The following ATAD3B variants were observed in gnomAD, a reference collection of about 807,000 sequenced individuals.
The protein encoded by ATAD3B is ATPase family AAA domain-containing protein 3B.
ATAD3B carries 59 observed loss-of-function variants against 70.2 expected under a neutral mutation model. The ratio of observed to expected loss-of-function variants is 0.84; its 90% CI spans 0.68 to 1.04. The LOEUF (loss-of-function observed/expected upper bound fraction) is 1.04, where lower values mean the gene tolerates loss of function less well. Ranked by LOEUF, ATAD3B falls within the 50% of genes least tolerant of loss-of-function variation. The pLI is 0.00. For missense variants in ATAD3B, 961 were observed against 913.4 expected, an observed-to-expected ratio of 1.05 and a Z score of -0.67; for synonymous variants, 423 against 388.6, an observed-to-expected ratio of 1.09 and a Z score of -1.04.
chr1:1,475,155 G>A (rs532203490), intron 1 of ATAD3B, among the ~76,000 whole-genome samples: 55 of 149,694 alleles, frequency 3.7e-4, no homozygotes, highest in Admixed American at 2.3e-3. Flanking sequence ...GGCGTTGCCA[G>A]TGCCTTGGTC....
chr1:1,485,758 G>A, intron 8 of ATAD3B, 24 bp from the exon 9 acceptor site: 6 of 1,612,272 alleles, frequency 3.7e-6, no homozygotes, highest in Non-Finnish European at 5.1e-6. Flanking sequence ...TGACCCAATG[G>A]TGCTTCCCCT....
intron 8 of ATAD3B, among the ~76,000 whole-genome samples, chr1:1,485,373 C>T (rs139537750): frequency 0.022 from 3,309 of 152,090 alleles, 65 homozygotes; most frequent in East Asian, 0.037. Context: ...CTGTCTGCCT[C>T]GGTGTCCCTT....
At chr1:1,498,093 A>G (rs2100611936), downstream of ATAD3B, among the ~76,000 whole-genome samples, 1 of 151,918 alleles carries the variant, frequency 6.6e-6, no homozygotes, top group Non-Finnish European at 1.5e-5. Context: ...ACCTGAGGTC[A>G]GGAGTTCGAG....
the ATAD3B span, among the ~76,000 whole-genome samples, chr1:1,505,391 G>T: frequency 6.6e-6 from 1 of 152,314 alleles, no homozygotes. Flanking sequence ...CGTGAAGGCG[G>T]ACTAGGAGTG....
intron 11 of ATAD3B, 40 bp downstream of exon 11, chr1:1,486,708 G>T (rs371563971): frequency 6.5e-7 from 1 of 1,533,630 alleles, no homozygotes; most frequent in Non-Finnish European, 8.8e-7. Flanking sequence ...CCTTGGCTGC[G>T]GCCCAGCAGG....
At chr1:1,508,650 C>G in the ATAD3B span, among the ~76,000 whole-genome samples, 2 of 151,374 alleles carry the variant, frequency 1.3e-5, no homozygotes, top group Non-Finnish European at 2.9e-5. Context: ...CTGAGGCTGC[C>G]TGAAGCGACA....
Position 1,482,268 on chromosome 1 carries a change from G to A in ATAD3B, c.645G>A (p.Ala215=), listed in dbSNP as rs770283309. The A allele has an allele frequency of 9.9e-6, 16 of 1,610,952 alleles. 1 individual carries two copies. The highest frequency in any genetic ancestry group is 6.7e-5 in the Admixed American group (4 of 59,910). The change falls in exon 6 of 16, where the codon GCG becomes GCA. Residue 215 remains alanine (A), a synonymous_variant. Coordinates refer to ENST00000673477, the MANE Select transcript of ATAD3B (RefSeq NM_031921.6). The part of the protein sequence containing the change: ...DIIREQIRLK[A]SEHRQTVLES... ...TCCGCGAGCAGATCCGCCTGAAGGC[G>A]TCCGAGCACCGTCAGACCGTCTTGG...
chr1:1,482,291 T>C lies in ATAD3B; in HGVS notation c.668T>C (p.Leu223Ser). ...GCGTCCGAGCACCGTCAGACCGTCT[T>C]GGAGTCCATCAGGTGAGCACTGCCC... is the stretch of plus-strand genomic sequence containing the variant. ...LKASEHRQTV[L>S]ESIRTAGTLF... Residue 223 changes from leucine to serine, a missense_variant, in exon 6 of 16, where the codon TTG (leucine) becomes TCG (serine). By Grantham distance (145) the Leu-to-Ser change is moderately radical. Transcript: ENST00000673477. The C allele has an allele frequency of 6.2e-7, 1 of 1,606,452 alleles. No homozygotes were observed. The highest frequency in any genetic ancestry group is 8.5e-7 in the Non-Finnish European group (1 of 1,178,678).
chr1:1,490,305 C>G lies in ATAD3B; in HGVS notation c.1386C>G (p.Ala462=). Residue 462 remains alanine (A), a synonymous_variant, in exon 14 of 16, where the codon GCC becomes GCG. Coordinates refer to ENST00000673477, the MANE Select transcript of ATAD3B (RefSeq NM_031921.6). ...ASNLPEQFDC[A]INSRIDVMVH... Reference sequence around the variant, plus strand: ...ATCTGCCTGAGCAGTTCGACTGTGCCATCAACAGCCGCATTGACGTGATGG... The same window carrying G: ...ATCTGCCTGAGCAGTTCGACTGTGCGATCAACAGCCGCATTGACGTGATGG... 1 of 1,613,190 alleles carries G rather than the reference C, an allele frequency of 6.2e-7. No homozygotes were observed. The highest frequency in any genetic ancestry group is 8.5e-7 in the Non-Finnish European group (1 of 1,179,694).
At chr1:1,473,108 C>T (rs1217351755) in intron 1 of ATAD3B, among the ~76,000 whole-genome samples, 1 of 149,098 alleles carries the variant, frequency 6.7e-6, no homozygotes, top group Non-Finnish European at 1.5e-5. Flanking sequence ...CAGGCCTGAG[C>T]CACAGCGCCC....
In ATAD3B at chr1:1,477,658, T is replaced by C. The variant is rs531041099; in HGVS notation, c.282+308T>C. ...GTCTTCTTCACATTCTCACCTCATT[T>C]CTTTTCACTCAGCAGGATTTTTTAT... On this transcript the variant is annotated intron_variant, in intron 2 of 15. Coordinates refer to ENST00000673477, the MANE Select transcript of ATAD3B (RefSeq NM_031921.6). 5.9e-4 allele frequency among the ~76,000 whole-genome samples: 90 copies of C among 151,740 alleles called. 1 individual carries two copies. The highest frequency in any genetic ancestry group is 2.0e-3 in the African/African-American group (84 of 41,238).
chr1:1,472,697 C>G (rs1262241416), intron 1 of ATAD3B, among the ~76,000 whole-genome samples: 1 of 152,066 alleles, frequency 6.6e-6, no homozygotes, highest in Non-Finnish European at 1.5e-5. Context: ...TCTCTTCCCC[C>G]AGCCTTCCTT....
the ATAD3B span, chr1:1,503,116 C>G: frequency 2.7e-3 from 420 of 155,326 alleles, 2 homozygotes; most frequent in African/African-American, 9.5e-3. Flanking sequence ...CCAGCTACTC[C>G]AGAGGCTGAG....
Position 1,486,095 on chromosome 1 carries a change from C to CT in ATAD3B, c.964-15_964-14insT, listed in dbSNP as rs760828474. 14 of 1,612,822 alleles carry CT rather than the reference C, an allele frequency of 8.7e-6. No homozygotes were observed. Among genetic ancestry groups the CT allele is most frequent in the Non-Finnish European group, 1.2e-5 (14 of 1,179,618 alleles). On this transcript the variant is annotated splice_polypyrimidine_tract_variant and intron_variant, in intron 9 of 15. Coordinates refer to ENST00000673477, the MANE Select transcript of ATAD3B (RefSeq NM_031921.6). ...GTGCAGAGTGTCTCCCCCAAACCCC[C>CT]GTCTTCCCCGGCAGCCCAGCCTGGA...
rs1610777 is a variant in ATAD3B at position 1,486,803 on chromosome 1, A to G, written c.1214+135A>G. Reference sequence around the variant, plus strand: ...TCCTTGTGGCCACGCAGGAGGCCCAATGGAGGGTCCCTCGGAGGGAAAGTC... The same window carrying G: ...TCCTTGTGGCCACGCAGGAGGCCCAGTGGAGGGTCCCTCGGAGGGAAAGTC... On this transcript the variant is annotated intron_variant, in intron 11 of 15. Transcript: ENST00000673477. The G allele has an allele frequency of 6.7e-3, 9,721 of 1,457,374 alleles. 312 individuals are homozygous for G. The highest frequency in any genetic ancestry group is 0.043 in the African/African-American group (2,590 of 60,228). 90.3% of individuals were successfully genotyped at this position (1,457,374 alleles called of 1,614,324 possible).
the ATAD3B span, among the ~76,000 whole-genome samples, chr1:1,504,667 AGAG>A: frequency 2.0e-3 from 218 of 109,716 alleles, no homozygotes; most frequent in African/African-American, 0.016. Flanking sequence ...AAAAAAAAAA[AGAG>A]AGAACAGGAG....
the ATAD3B span, among the ~76,000 whole-genome samples, chr1:1,509,004 G>A: frequency 6.6e-6 from 1 of 151,780 alleles, no homozygotes; most frequent in African/African-American, 2.4e-5. Context: ...TGAGGACGCA[G>A]GCAGGGCTGT....
At chr1:1,498,966 CTCTTTT>C (rs1640879503), downstream of ATAD3B, among the ~76,000 whole-genome samples, 1 of 145,410 alleles carries the variant, frequency 6.9e-6, no homozygotes, top group African/African-American at 2.7e-5. Context: ...TGTGTGGTTC[CTCTTTT>C]TTTTTTTTTT....
Position 1,477,355 on chromosome 1 carries a change from G to C in ATAD3B, c.282+5G>C, listed in dbSNP as rs1177500690. 3 of 1,611,996 alleles carry C rather than the reference G, an allele frequency of 1.9e-6. No homozygotes were observed. Among genetic ancestry groups the C allele is most frequent in the Admixed American group, 1.7e-5 (1 of 59,976 alleles). On this transcript the variant is annotated splice_donor_5th_base_variant and intron_variant, in intron 2 of 15. Coordinates refer to ENST00000673477, the MANE Select transcript of ATAD3B (RefSeq NM_031921.6). ...GAGCAACAGTCCAAGCTCAAAGTGAGTGGGGCCGGTGTGGGCGAGGAGGCC... is the reference window on the plus strand; with the variant it reads ...GAGCAACAGTCCAAGCTCAAAGTGACTGGGGCCGGTGTGGGCGAGGAGGCC...
Sources: gnomAD v4.1 joint callset for allele counts (sites outside exome capture counted in the v4.1 genomes callset) on GRCh38, gnomAD v4.1.1 for gene constraint, MANE v1.5 for transcripts, NCBI Gene and HGNC (gene_info 2026-07-23, HGNC 2026-07-21) for gene names.